FBN3: variants seen among roughly 807,000 people sequenced by gnomAD.
FBN3 encodes the protein fibrillin 3.
In FBN3, 234 loss-of-function variants were observed where a neutral mutation model predicts 330.1. The ratio of observed to expected loss-of-function variants is 0.71; its 90% CI spans 0.64 to 0.79. The LOEUF is 0.79. FBN3 is among the 30% of genes least tolerant of loss of function. The probability of loss-of-function intolerance (pLI) is 0.00; values close to 1 mark genes in which losing one functional copy is unlikely to be tolerated. For missense variants in FBN3, 3,606 were observed against 3,886.9 expected (o/e 0.93, Z 1.92); for synonymous variants, 1,458 against 1,517.3 (o/e 0.96, Z 0.91).
At chr19:8,099,385 A>G (rs2144748035) in intron 41 of FBN3, among the ~76,000 whole-genome samples, 1 of 140,358 alleles carries the variant, frequency 7.1e-6, no homozygotes, top group East Asian at 2.2e-4. Flanking sequence ...GGTTCACGCC[A>G]TTCTCCTGCC....
At chr19:8,141,373 A>C (rs527470498) in intron 8 of FBN3, among the ~76,000 whole-genome samples, 1 of 150,714 alleles carries the variant, frequency 6.6e-6, no homozygotes, top group South Asian at 2.1e-4. Context: ...CTCAAAAAAA[A>C]AAAAAAAAAA....
intron 57 of FBN3, among the ~76,000 whole-genome samples, chr19:8,081,776 G>A (rs917106591): frequency 1.3e-5 from 2 of 152,124 alleles, no homozygotes; most frequent in South Asian, 4.1e-4. Context: ...ACAAATGGAG[G>A]GCCAGACTTG....
chr19:8,125,845 C>G, intron 22 of FBN3, 47 bp downstream of exon 22: 1 of 1,546,898 alleles, frequency 6.5e-7, no homozygotes, highest in South Asian at 1.2e-5. Flanking sequence ...GTGGAGGGAA[C>G]AAAGGAAGAA....
Position 8,096,388 on chromosome 19 carries a change from A to T in FBN3, c.5539+56T>A, listed in dbSNP as rs1229802028. 17 of 1,573,330 alleles carry T rather than the reference A, an allele frequency of 1.1e-5. No individual in the cohort carries two copies. The highest frequency in any genetic ancestry group is 1.5e-5 in the Non-Finnish European group (17 of 1,156,934). On this transcript the variant is annotated intron_variant, in intron 44 of 63. Transcript: ENST00000600128. The surrounding 1 kb of genome is among the most constrained non-coding windows in gnomAD (Gnocchi z 4.6). Reference sequence around the variant, plus strand: ...AGAAACACCACTTCCATCCCAGGGGAGGTTTAGACCCCAGGCAGCCTGGCT... The same window carrying T: ...AGAAACACCACTTCCATCCCAGGGGTGGTTTAGACCCCAGGCAGCCTGGCT...
Position 8,069,376 on chromosome 19 carries a change from T to C in FBN3, c.8088+2672A>G, listed in dbSNP as rs147303716. 3.2e-3 allele frequency among the ~76,000 whole-genome samples: 486 copies of C among 152,232 alleles called. 2 individuals are homozygous for C. Among genetic ancestry groups the C allele is most frequent in the Non-Finnish European group, 5.3e-3 (363 of 68,010 alleles). On this transcript the variant is annotated intron_variant, in intron 63 of 63. Transcript: ENST00000600128. ...CCAACCCCACAGAAAGTCATCTGTGTTTTCTTTGCCTTTGTTTTAGGGAGC... is the reference window on the plus strand; with the variant it reads ...CCAACCCCACAGAAAGTCATCTGTGCTTTCTTTGCCTTTGTTTTAGGGAGC...
At chr19:8,117,431 T>C (rs927044380) in intron 27 of FBN3, 33 bp downstream of exon 27, 1 of 1,557,636 alleles carries the variant, frequency 6.4e-7, no homozygotes, top group Non-Finnish European at 8.7e-7. Context: ...CTGTGGTTGG[T>C]GCCCAGGGGC....
In FBN3 at chr19:8,138,301, G is replaced by A. The variant is rs1366179106; in HGVS notation, c.1041C>T (p.Ala347=). ...RGSNEFQQLC[A]QRLPLLPGHP... ...GGCCGGGTAGCAGCGGCAGCCGCTG[G>A]GCGCACAGTTGCTGGAATTCATCTG... The change falls in exon 10 of 64, where the codon GCC becomes GCT. Residue 347 remains alanine, a synonymous_variant. Coordinates refer to ENST00000600128, the MANE Select transcript of FBN3 (RefSeq NM_032447.5). 1.9e-6 allele frequency: 3 copies of A among 1,613,140 alleles called. No individual in the cohort carries two copies. The highest frequency in any genetic ancestry group is 1.7e-6 in the Non-Finnish European group (2 of 1,179,752).
chr19:8,121,289 C>A lies in FBN3; in HGVS notation c.3180G>T (p.Glu1060Asp). 6.2e-7 allele frequency: 1 copy of A among 1,612,222 alleles called. No individual in the cohort carries two copies. Among genetic ancestry groups the A allele is most frequent in the Non-Finnish European group, 8.5e-7 (1 of 1,178,986 alleles). Residue 1060 changes from glutamate (E) to aspartate (D), a missense_variant, in exon 25 of 64, where the codon GAG becomes GAT. Transcript: ENST00000600128. This position sits in a 1 kb window ranked among gnomAD's most constrained non-coding sequence, Gnocchi z 4.5. The stretch of plus-strand genomic sequence containing the variant: ...AGTTCTTCATCAGCATGAAGCCACT[C>A]TCGTAGCCGGGAAAACACTCGCACT... ...SFECECFPGY[E>D]SGFMLMKNCM... is the part of the protein sequence containing the mutation.
In FBN3 at chr19:8,126,616, G is replaced by C; in HGVS notation, c.2417-11C>G. The C allele has an allele frequency of 6.2e-7, 1 of 1,606,256 alleles. No homozygotes were observed. Among genetic ancestry groups the C allele is most frequent in the Non-Finnish European group, 8.5e-7 (1 of 1,179,014 alleles). ...TGCCCTTGGTGCTGTCTGGGGAGAAGAGGCGGGTCACCTGTCTCACCTGCC... is the reference window on the plus strand; with the variant it reads ...TGCCCTTGGTGCTGTCTGGGGAGAACAGGCGGGTCACCTGTCTCACCTGCC... On this transcript the variant is annotated splice_polypyrimidine_tract_variant and intron_variant, in intron 19 of 63. Transcript: ENST00000600128.
chr19:8,083,805 CT>C (rs372453716), intron 56 of FBN3, among the ~76,000 whole-genome samples: 370 of 134,058 alleles, frequency 2.8e-3, no homozygotes, highest in Middle Eastern at 0.024. Flanking sequence ...ACTATTTTTT[CT>C]TTTTTTTTTT....
chr19:8,085,495 C>A lies in FBN3; in HGVS notation c.6955G>T (p.Val2319Phe), dbSNP rs746419313. Reference protein sequence around the residue: ...CRSLSSSSEAVTRAECCCGGG... With the variant: ...CRSLSSSSEAFTRAECCCGGG... ...CCACAGCAGCACTCGGCCCTGGTGA[C>A]AGCCTCACTGCTGCTGGACAGAGAC... Residue 2319 changes from valine (V) to phenylalanine (F), a missense_variant, in exon 56 of 64, where the codon GTC (valine) becomes TTC (phenylalanine). Transcript: ENST00000600128. The A allele has an allele frequency of 1.9e-6, 3 of 1,593,588 alleles. No individual in the cohort carries two copies. In the African/African-American group the frequency reaches 4.0e-5, roughly 21 times the overall value.
In FBN3 at chr19:8,146,307, A is replaced by G. The variant is rs532776255; in HGVS notation, c.251-82T>C. On this transcript the variant is annotated intron_variant, in intron 3 of 63. Coordinates refer to ENST00000600128, the MANE Select transcript of FBN3 (RefSeq NM_032447.5). ...CTCCATTGGTGTCCGGGCTGGCCGG[A>G]ACACCTCAGTGGACGCTGCTGGTCA... is the stretch of plus-strand genomic sequence containing the variant. 289 of 1,175,846 alleles carry G rather than the reference A, an allele frequency of 2.5e-4. No homozygotes were observed. The African/African-American group carries it at 4.1e-3, about 17-fold the overall frequency. The allele number at this position is 1,175,846 out of a possible 1,614,324, so 72.8% of individuals were successfully genotyped here. A position where few individuals can be genotyped will look rare whatever the true frequency, so the allele number is the denominator to read the frequency against.
rs369879629 is a variant in FBN3 at position 8,080,962 on chromosome 19, G to A, written c.7453+41C>T. 50 of 1,381,704 alleles carry A rather than the reference G, an allele frequency of 3.6e-5. No individual in the cohort carries two copies. The African/African-American group carries it at 6.7e-4, about 19-fold the overall frequency. The allele number at this position is 1,381,704 out of a possible 1,614,324, so 85.6% of individuals were successfully genotyped here. A position where few individuals can be genotyped will look rare whatever the true frequency, so the allele number is the denominator to read the frequency against. ...TGGTGAGCAAAATAACTAATGCTGG[G>A]GTCATGGGTCACCTCCCGGTGAGGG... On this transcript the variant is annotated intron_variant, in intron 59 of 63. Transcript: ENST00000600128.
intron 22 of FBN3, 126 bp downstream of exon 22, chr19:8,125,766 G>A: frequency 9.0e-7 from 1 of 1,109,908 alleles, no homozygotes. Flanking sequence ...ACTCCAGCCT[G>A]GGCGACAGAG....
chr19:8,086,052 G>A (rs557782848), intron 55 of FBN3, 148 bp downstream of exon 55: 6 of 414,580 alleles, frequency 1.4e-5, no homozygotes, highest in African/African-American at 2.5e-5. Flanking sequence ...CAGGCAGTGG[G>A]GGGAACAGGC....
chr19:8,100,047 A>C (rs546781168), intron 41 of FBN3, among the ~76,000 whole-genome samples: 6 of 151,932 alleles, frequency 3.9e-5, no homozygotes, highest in Non-Finnish European at 8.8e-5. Context: ...AATTTGACAC[A>C]AACTGCAACA....
At chr19:8,105,285 T>G (rs2082415146) in intron 38 of FBN3, among the ~76,000 whole-genome samples, 1 of 148,490 alleles carries the variant, frequency 6.7e-6, no homozygotes. Flanking sequence ...TAAGACAGGG[T>G]CTCGTTCTGT....
chr19:8,089,696 T>C (rs2082049331), intron 50 of FBN3, 26 bp from the exon 51 acceptor site: 1 of 1,612,716 alleles, frequency 6.2e-7, no homozygotes, highest in Non-Finnish European at 8.5e-7. Context: ...GTTGCAGACA[T>C]GGCTTCTGTC....
In FBN3 at chr19:8,147,387, G is replaced by A. The variant is rs771941574; in HGVS notation, c.94C>T (p.Arg32Cys). 13 of 1,598,140 alleles carry A rather than the reference G, an allele frequency of 8.1e-6. No individual in the cohort carries two copies. The highest frequency in any genetic ancestry group is 3.5e-5 in the Admixed American group (2 of 57,834). The change falls in exon 2 of 64, where the codon CGC becomes TGC. Residue 32 changes from arginine to cysteine, a missense_variant. Coordinates refer to ENST00000600128, the MANE Select transcript of FBN3 (RefSeq NM_032447.5). ...ALLCMAGGQG[R>C]WDGALEAAGP... The stretch of plus-strand genomic sequence containing the variant: ...GCAGCCTCCAAGGCCCCGTCCCAGC[G>A]GCCTTGGCCACCTGCCATGCACAAC...
Sources: allele counts gnomAD v4.1 joint callset (sites outside exome capture counted in the v4.1 genomes callset), GRCh38; gene constraint gnomAD v4.1.1; non-coding constraint Gnocchi (gnomAD v3.1); transcripts MANE v1.5; gene names NCBI Gene and HGNC (gene_info 2026-07-23, HGNC 2026-07-21).